PCDH15: variants seen among roughly 807,000 people sequenced by gnomAD.
PCDH15 encodes protocadherin-15.
In PCDH15, 129 loss-of-function variants were observed where a neutral mutation model predicts 178.5. The ratio of observed to expected loss-of-function variants is 0.72; its 90% CI spans 0.63 to 0.84. The LOEUF (loss-of-function observed/expected upper bound fraction) is 0.84. Among genes scored for constraint, PCDH15 ranks in the 40% least tolerant of loss-of-function variants. PCDH15 has a pLI of 0.00. For synonymous variants in PCDH15, 800 were observed against 732.0 expected, an observed-to-expected ratio of 1.09 and a Z score of -1.50; for missense variants, 2,230 against 2,099.9, an observed-to-expected ratio of 1.06 and a Z score of -1.21.
intron 1 of PCDH15, among the ~76,000 whole-genome samples, chr10:55,309,284 G>C (rs929153870): frequency 6.6e-6 from 1 of 152,132 alleles, no homozygotes; most frequent in African/African-American, 2.4e-5. Flanking sequence ...GGGCAGCTGA[G>C]ACAGGAGAAT....
chr10:54,219,156 T>A (rs1408568556), intron 9 of PCDH15, among the ~76,000 whole-genome samples: 1 of 147,288 alleles, frequency 6.8e-6, no homozygotes, highest in Non-Finnish European at 1.5e-5. Flanking sequence ...GCACCTGTAG[T>A]CCCAGCTACT....
chr10:55,570,281 G>A (rs1487878421), intron 2 of PCDH15, among the ~76,000 whole-genome samples: 1 of 151,868 alleles, frequency 6.6e-6, no homozygotes, highest in African/African-American at 2.4e-5. Context: ...ATTATTAAGA[G>A]GTTTTTGACA....
intron 2 of PCDH15, among the ~76,000 whole-genome samples, chr10:55,161,553 A>G (rs1417817785): frequency 6.6e-6 from 1 of 152,130 alleles, no homozygotes; most frequent in Non-Finnish European, 1.5e-5. Context: ...GCAAAGCCCA[A>G]ACTATTTACC....
intron 2 of PCDH15, among the ~76,000 whole-genome samples, chr10:55,441,129 C>T (rs1839174890): frequency 6.6e-6 from 1 of 152,196 alleles, no homozygotes; most frequent in Admixed American, 6.5e-5. Flanking sequence ...AGTCTAATTT[C>T]TGAAACTGCC....
intron 1 of PCDH15, among the ~76,000 whole-genome samples, chr10:55,231,848 G>A (rs534772574): frequency 2.0e-5 from 3 of 151,684 alleles, no homozygotes; most frequent in Non-Finnish European, 4.4e-5. Flanking sequence ...CTAAATTCTC[G>A]ATATTTGCTT....
intron 3 of PCDH15, among the ~76,000 whole-genome samples, chr10:54,462,380 C>T (rs916641930): frequency 3.3e-5 from 5 of 151,838 alleles, no homozygotes; most frequent in African/African-American, 1.2e-4. Context: ...GTTTATTTTG[C>T]ATTGGTAATA....
At chr10:54,313,157 T>C (rs1333348845) in intron 8 of PCDH15, among the ~76,000 whole-genome samples, 1 of 152,084 alleles carries the variant, frequency 6.6e-6, no homozygotes, top group Non-Finnish European at 1.5e-5. Context: ...GTTAAAGACC[T>C]CCTTTTTTTA....
intron 1 of PCDH15, among the ~76,000 whole-genome samples, chr10:55,279,508 C>G (rs962095938): frequency 6.6e-6 from 1 of 151,980 alleles, no homozygotes; most frequent in East Asian, 1.9e-4. Context: ...GATAAGCGAC[C>G]GGCATACCTA....
chr10:54,941,879 T>C (rs992621987), intron 2 of PCDH15, among the ~76,000 whole-genome samples: 1 of 152,060 alleles, frequency 6.6e-6, no homozygotes, highest in African/African-American at 2.4e-5. Context: ...AATGTGCATA[T>C]TCTCTGGGCG....
chr10:55,391,840 G>A (rs1396325914), intron 2 of PCDH15, among the ~76,000 whole-genome samples: 1 of 152,144 alleles, frequency 6.6e-6, no homozygotes, highest in Non-Finnish European at 1.5e-5. Context: ...TCACAACCCG[G>A]CTAACTGTTT....
chr10:55,579,834 ATTTGTTTTTTGTTGTT>A (rs1842571090), intron 2 of PCDH15, among the ~76,000 whole-genome samples: 1 of 151,464 alleles, frequency 6.6e-6, no homozygotes, highest in Non-Finnish European at 1.5e-5. Context: ...TATGTTTTTT[ATTTGTTTTTTGTTGTT>A]TTTGTTTTTT....
chr10:54,898,010 T>C (rs1954574560), intron 2 of PCDH15, among the ~76,000 whole-genome samples: 1 of 152,140 alleles, frequency 6.6e-6, no homozygotes, highest in Admixed American at 6.5e-5. Context: ...TCTCCAGTGT[T>C]AGAGGTGGGG....
At chr10:54,305,224 A>G (rs1048677507) in intron 8 of PCDH15, among the ~76,000 whole-genome samples, 5 of 151,954 alleles carry the variant, frequency 3.3e-5, no homozygotes, top group African/African-American at 1.2e-4. Context: ...ATTTGTTTTA[A>G]TCAAGAAGAA....
chr10:54,585,614 GTTT>G (rs71901521), intron 2 of PCDH15: 19 of 79,562 alleles, frequency 2.4e-4, no homozygotes, highest in East Asian at 3.5e-4. Context: ...AGCAATATGT[GTTT>G]TTTTTTTTTT....
intron 1 of PCDH15, among the ~76,000 whole-genome samples, chr10:54,751,707 T>G (rs1239537199): frequency 6.6e-6 from 1 of 152,104 alleles, no homozygotes; most frequent in African/African-American, 2.4e-5. Context: ...GAAAACAGAT[T>G]TTTTTCCAAA....
At chr10:55,368,366 T>C (rs1317989662) in intron 2 of PCDH15, among the ~76,000 whole-genome samples, 1 of 152,102 alleles carries the variant, frequency 6.6e-6, no homozygotes, top group Non-Finnish European at 1.5e-5. Flanking sequence ...GCCTCTCAAC[T>C]GGGTTTATTT....
intron 5 of PCDH15, among the ~76,000 whole-genome samples, chr10:54,357,531 AG>A (rs1388090205): frequency 1.3e-5 from 2 of 152,142 alleles, no homozygotes; most frequent in Non-Finnish European, 2.9e-5. Flanking sequence ...AACAAATGGA[AG>A]AACATTCCAT....
chr10:54,191,421 A>C (rs2048977161), intron 11 of PCDH15, among the ~76,000 whole-genome samples: 1 of 152,194 alleles, frequency 6.6e-6, no homozygotes, highest in Non-Finnish European at 1.5e-5. Flanking sequence ...AAAGATTTCA[A>C]AGCCTAGAAC....
intron 1 of PCDH15, among the ~76,000 whole-genome samples, chr10:55,273,493 G>A (rs1842502072): frequency 1.3e-5 from 2 of 152,082 alleles, no homozygotes; most frequent in Non-Finnish European, 2.9e-5. Context: ...GTAGAATGAT[G>A]ACGAATTCCA....
Sources: gnomAD v4.1 joint callset for allele counts (sites outside exome capture counted in the v4.1 genomes callset) on GRCh38, gnomAD v4.1.1 for gene constraint, MANE v1.5 for transcripts, NCBI Gene and HGNC (gene_info 2026-07-23, HGNC 2026-07-21) for gene names.